The following PCDH15 variants were observed in gnomAD, a reference collection of about 807,000 sequenced individuals.
The protein encoded by PCDH15 is protocadherin-15.
A neutral mutation model predicts 178.5 loss-of-function variants in PCDH15; 129 were observed. The ratio of observed to expected loss-of-function variants is 0.72; its 90% CI spans 0.63 to 0.84. The LOEUF is 0.84. PCDH15 is among the 40% of genes least tolerant of loss of function. The pLI is 0.00. For missense variants in PCDH15, 2,230 were observed against 2,099.9 expected (o/e 1.06, Z -1.21); for synonymous variants, 800 against 732.0 (o/e 1.09, Z -1.50).
intron 2 of PCDH15, among the ~76,000 whole-genome samples, chr10:54,639,681 A>G (rs1202669523): frequency 6.6e-6 from 1 of 152,196 alleles, no homozygotes; most frequent in Non-Finnish European, 1.5e-5. Context: ...AAATAGGAGT[A>G]TTCCTCTGAG....
intron 1 of PCDH15, among the ~76,000 whole-genome samples, chr10:54,763,724 T>C (rs1280377669): frequency 6.7e-6 from 1 of 148,644 alleles, no homozygotes; most frequent in Non-Finnish European, 1.5e-5. Context: ...CATTTACTTT[T>C]TATGGATACA....
At chr10:54,953,215 T>C (rs886212830) in intron 2 of PCDH15, among the ~76,000 whole-genome samples, 1 of 151,488 alleles carries the variant, frequency 6.6e-6, no homozygotes, top group Non-Finnish European at 1.5e-5. Flanking sequence ...ATTTGCTAAG[T>C]ATTTTCATGA....
At chr10:54,767,482 A>G (rs533319196) in intron 1 of PCDH15, among the ~76,000 whole-genome samples, 14 of 152,222 alleles carry the variant, frequency 9.2e-5, no homozygotes, top group Admixed American at 3.3e-4. Context: ...GAAAGCATAA[A>G]TCCTTACATC....
chr10:54,538,015 G>C (rs1465184328), intron 2 of PCDH15, among the ~76,000 whole-genome samples: 1 of 152,142 alleles, frequency 6.6e-6, no homozygotes, highest in Non-Finnish European at 1.5e-5. Context: ...CTGGAGATTA[G>C]ACCTTTGCGG....
intron 4 of PCDH15, 32 bp from the exon 5 acceptor site, chr10:54,369,307 C>A (rs761977705): frequency 6.2e-7 from 1 of 1,602,560 alleles, no homozygotes. Flanking sequence ...TTTTAAAATA[C>A]TAATTAAAAA....
chr10:55,531,113 A>G (rs1296610211), intron 2 of PCDH15, among the ~76,000 whole-genome samples: 2 of 152,010 alleles, frequency 1.3e-5, no homozygotes, highest in Admixed American at 6.6e-5. Context: ...TCTACTAGTT[A>G]CTAACTGGAG....
At chr10:53,834,418 T>TTTTG (rs34797389) in intron 29 of PCDH15, among the ~76,000 whole-genome samples, 60,318 of 151,702 alleles carry the variant, frequency 0.4, 12,657 homozygotes, top group East Asian at 0.75. Context: ...TCCATATTTA[T>TTTTG]TTTGTTTTTT....
intron 2 of PCDH15, among the ~76,000 whole-genome samples, chr10:55,355,279 T>C (rs1433191713): frequency 2.0e-5 from 3 of 151,990 alleles, no homozygotes; most frequent in Admixed American, 1.3e-4. Flanking sequence ...ATGCCGAAGA[T>C]TGGATTGCTC....
intron 14 of PCDH15, among the ~76,000 whole-genome samples, chr10:54,152,142 T>C (rs2044602789): frequency 6.6e-6 from 1 of 152,166 alleles, no homozygotes; most frequent in South Asian, 2.1e-4. Flanking sequence ...TCCTACTGTG[T>C]ACTAAGATAC....
upstream of PCDH15, among the ~76,000 whole-genome samples, chr10:54,802,253 C>G (rs1454886852): frequency 6.6e-6 from 1 of 152,156 alleles, no homozygotes; most frequent in Non-Finnish European, 1.5e-5. Context: ...TATTTATGCA[C>G]AAGCATTTGC....
At chr10:54,030,039 A>G (rs1263243626) in intron 18 of PCDH15, among the ~76,000 whole-genome samples, 1 of 152,160 alleles carries the variant, frequency 6.6e-6, no homozygotes, top group African/African-American at 2.4e-5. Flanking sequence ...ATCCATTCAG[A>G]TTAATTATTT....
Position 54,081,969 on chromosome 10 carries a change from G to A in PCDH15, c.1998-2545C>T, listed in dbSNP as rs1401886935. On this transcript the variant is annotated intron_variant, in intron 16 of 37. Coordinates refer to ENST00000644397, the MANE Select transcript of PCDH15 (RefSeq NM_001384140.1). ...ACAGGTTTATAGCAACCAGATGAAG[G>A]CAGAATTTGTTTTAAAAAAAGGTAA... is the stretch of plus-strand genomic sequence containing the variant. Among the ~76,000 whole-genome samples, 4 of 152,248 alleles carry A rather than the reference G, an allele frequency of 2.6e-5. No individual in the cohort carries two copies. In the East Asian group the frequency reaches 7.7e-4, roughly 29 times the overall value.
At chr10:54,683,509 G>A (rs117741188) in intron 1 of PCDH15, among the ~76,000 whole-genome samples, 2,598 of 152,148 alleles carry the variant, frequency 0.017, 31 homozygotes, top group Non-Finnish European at 0.029. Flanking sequence ...GTTTCAGATG[G>A]AACTACAATT....
At chr10:54,687,095 C>T (rs375462094) in intron 1 of PCDH15, among the ~76,000 whole-genome samples, 22 of 152,160 alleles carry the variant, frequency 1.4e-4, no homozygotes, top group South Asian at 4.1e-4. Context: ...TCACACCTGT[C>T]AGTATGGCTA....
At chr10:54,537,883 T>C (rs1217840904) in intron 2 of PCDH15, among the ~76,000 whole-genome samples, 3 of 152,224 alleles carry the variant, frequency 2.0e-5, no homozygotes, top group African/African-American at 7.2e-5. Flanking sequence ...TTGAGCATTT[T>C]TTCATGTTTG....
At chr10:54,906,769 C>A (rs1200621754) in intron 2 of PCDH15, among the ~76,000 whole-genome samples, 4 of 152,110 alleles carry the variant, frequency 2.6e-5, no homozygotes, top group Admixed American at 6.6e-5. Flanking sequence ...GAATCCATGA[C>A]TGTATGTTGA....
intron 2 of PCDH15, among the ~76,000 whole-genome samples, chr10:55,084,229 A>G (rs1238428028): frequency 6.6e-6 from 1 of 151,824 alleles, no homozygotes; most frequent in Non-Finnish European, 1.5e-5. Context: ...GTGGTAGACA[A>G]AAAAAGACAT....
intron 3 of PCDH15, among the ~76,000 whole-genome samples, chr10:54,426,303 G>C (rs1207859938): frequency 2.0e-5 from 3 of 152,106 alleles, no homozygotes; most frequent in African/African-American, 7.2e-5. Context: ...GACAGGGTTG[G>C]GGGGAAGGTT....
At chr10:54,510,340 G>C (rs1312346982) in intron 3 of PCDH15, among the ~76,000 whole-genome samples, 4 of 152,112 alleles carry the variant, frequency 2.6e-5, no homozygotes, top group Non-Finnish European at 5.9e-5. Flanking sequence ...TAATAGTTTG[G>C]CTGACAGTAC....
Sources: allele counts gnomAD v4.1 joint callset (sites outside exome capture counted in the v4.1 genomes callset), GRCh38; gene constraint gnomAD v4.1.1; transcripts MANE v1.5; gene names NCBI Gene and HGNC (gene_info 2026-07-23, HGNC 2026-07-21).